The following IPO8 variants were observed in gnomAD, a reference collection of about 807,000 sequenced individuals.
The protein encoded by IPO8 is importin-8.
Under a neutral mutation model 141.2 loss-of-function variants are expected in IPO8, and 65 were observed. The ratio of observed to expected loss-of-function variants is 0.46; its 90% CI spans 0.38 to 0.57. The LOEUF (loss-of-function observed/expected upper bound fraction) is 0.57, where lower values mean the gene tolerates loss of function less well. Among genes scored for constraint, IPO8 ranks in the 20% least tolerant of loss-of-function variants. The pLI is 0.00. For synonymous variants in IPO8, 411 were observed against 420.3 expected (o/e 0.98, Z 0.27); for missense variants, 980 against 1,246.8 (o/e 0.79, Z 3.22).
intron 23 of IPO8, 73 bp downstream of exon 23, chr12:30,634,010 A>T (rs2052468026): frequency 4.3e-6 from 6 of 1,407,022 alleles, no homozygotes; most frequent in Non-Finnish European, 5.9e-6. Flanking sequence ...TTGGGCAAAT[A>T]TCAAAACAGG....
chr12:30,680,339 C>A, intron 5 of IPO8, 143 bp downstream of exon 5: 1 of 586,754 alleles, frequency 1.7e-6, no homozygotes, highest in South Asian at 3.1e-5. Context: ...TTTCTGTGAA[C>A]CTGTTCCTCA....
At chr12:30,692,407 G>A (rs2053299274) in intron 1 of IPO8, among the ~76,000 whole-genome samples, 1 of 152,092 alleles carries the variant, frequency 6.6e-6, no homozygotes, top group Admixed American at 6.5e-5. Context: ...AACTTGGCCA[G>A]CTAAAACATT....
chr12:30,638,084 G>A (rs2052526925), intron 21 of IPO8, among the ~76,000 whole-genome samples: 1 of 152,040 alleles, frequency 6.6e-6, no homozygotes. Context: ...CATGCCACAC[G>A]GATCACAGCA....
rs748853480 is a variant in IPO8, at chr12:30,661,261, C to T, written c.1761G>A (p.Glu587=). Residue 587 remains glutamate, a synonymous_variant, in exon 16 of 25, where the codon GAG becomes GAA. Coordinates refer to ENST00000256079, the MANE Select transcript of IPO8 (RefSeq NM_006390.4). ...IAVDMTQHLA[E]IFGKVLQSDE... ...CACTTTGAAGAACTTTGCCAAATAT[C>T]TCAGCCTATGAAAATAACATTAAAG... The T allele has an allele frequency of 1.9e-6, 3 of 1,585,096 alleles. No homozygotes were observed. The highest frequency in any genetic ancestry group is 1.7e-6 in the Non-Finnish European group (2 of 1,168,588).
At chr12:30,676,196 G>A (rs186284586) in intron 6 of IPO8, among the ~76,000 whole-genome samples, 60 of 152,198 alleles carry the variant, frequency 3.9e-4, no homozygotes, top group Non-Finnish European at 7.8e-4. Flanking sequence ...AAAGTGCTAG[G>A]ATTACATGTG....
At chr12:30,632,452 A>G (rs2052446319) in intron 23 of IPO8, among the ~76,000 whole-genome samples, 2 of 152,138 alleles carry the variant, frequency 1.3e-5, no homozygotes, top group African/African-American at 4.8e-5. Context: ...TGAATAGCTC[A>G]TCTCAAACTC....
chr12:30,670,369 A>G (rs2053031151), intron 9 of IPO8, among the ~76,000 whole-genome samples: 1 of 152,186 alleles, frequency 6.6e-6, no homozygotes, highest in Non-Finnish European at 1.5e-5. Context: ...AAATTATCCA[A>G]TTATTTGTAT....
intron 4 of IPO8, among the ~76,000 whole-genome samples, chr12:30,680,967 C>T (rs1437586848): frequency 6.6e-6 from 1 of 152,040 alleles, no homozygotes; most frequent in African/African-American, 2.4e-5. Flanking sequence ...ATATAAGTTG[C>T]TATGCTATTT....
intron 16 of IPO8, among the ~76,000 whole-genome samples, chr12:30,659,644 G>A (rs914584144): frequency 5.9e-5 from 9 of 151,806 alleles, no homozygotes; most frequent in Non-Finnish European, 1.3e-4. Context: ...GAGGTCAGGA[G>A]ATCGAGACCC....
intron 9 of IPO8, 139 bp from the exon 10 acceptor site, chr12:30,669,421 G>T: frequency 2.1e-6 from 1 of 486,004 alleles, no homozygotes; most frequent in Non-Finnish European, 3.6e-6. Flanking sequence ...TCAAGTCGAG[G>T]TTATATTTAC....
At chr12:30,684,596 G>T in intron 2 of IPO8, 139 bp from the exon 3 acceptor site, 1 of 681,306 alleles carries the variant, frequency 1.5e-6, no homozygotes, top group Non-Finnish European at 2.5e-6. Flanking sequence ...GGTATAAACA[G>T]CCAAATCAGG....
intron 5 of IPO8, chr12:30,677,320 C>A: frequency 2.8e-6 from 1 of 355,858 alleles, no homozygotes; most frequent in South Asian, 2.1e-5. Context: ...AGTCACAGCA[C>A]AATGCATTAC....
At position 30,658,845 on chromosome 12, in the gene IPO8, A is replaced by G. The variant is rs139043595; in HGVS notation, c.1882-2095T>C. Among the ~76,000 whole-genome samples, 414 of 151,722 alleles carry G rather than the reference A, an allele frequency of 2.7e-3. 8 individuals are homozygous for G. The highest frequency in any genetic ancestry group is 8.9e-3 in the African/African-American group (368 of 41,470). On this transcript the variant is annotated intron_variant, in intron 16 of 24. Transcript: ENST00000256079. Reference sequence around the variant, plus strand: ...AAAATAAAAATTAAGCCCTTTAGGCAAATGAAGACTAGTCCAGAAGAGTAT... The same window carrying G: ...AAAATAAAAATTAAGCCCTTTAGGCGAATGAAGACTAGTCCAGAAGAGTAT...
intron 24 of IPO8, 52 bp downstream of exon 24, chr12:30,631,843 T>C (rs1470904365): frequency 3.3e-6 from 4 of 1,204,928 alleles, no homozygotes; most frequent in Non-Finnish European, 4.8e-6. Context: ...AATAAGGCTG[T>C]CTGTTGGCAC....
intron 8 of IPO8, among the ~76,000 whole-genome samples, chr12:30,672,639 T>C (rs1029075585): frequency 6.6e-6 from 1 of 152,108 alleles, no homozygotes; most frequent in African/African-American, 2.4e-5. Context: ...CTCACCACAC[T>C]TCAAGTGGGA....
chr12:30,678,324 G>C (rs1047646610), intron 5 of IPO8, among the ~76,000 whole-genome samples: 2 of 152,090 alleles, frequency 1.3e-5, no homozygotes, highest in African/African-American at 4.8e-5. Context: ...AGTCCTGCAA[G>C]TTCCATTCAT....
intron 2 of IPO8, among the ~76,000 whole-genome samples, chr12:30,688,119 A>G (rs1170637754): frequency 6.6e-6 from 1 of 152,174 alleles, no homozygotes; most frequent in Non-Finnish European, 1.5e-5. Flanking sequence ...CTTCAGATGT[A>G]AGAAGTAAAA....
At chr12:30,680,968 T>C (rs1038812364) in intron 4 of IPO8, among the ~76,000 whole-genome samples, 1 of 152,174 alleles carries the variant, frequency 6.6e-6, no homozygotes, top group African/African-American at 2.4e-5. Context: ...TATAAGTTGC[T>C]ATGCTATTTT....
intron 5 of IPO8, 55 bp downstream of exon 5, chr12:30,680,427 A>G (rs1349637077): frequency 3.0e-5 from 41 of 1,385,298 alleles, no homozygotes; most frequent in Non-Finnish European, 4.0e-5. Flanking sequence ...AGCACTTTCC[A>G]TGTGTCAGGC....
Sources: allele counts gnomAD v4.1 joint callset (sites outside exome capture counted in the v4.1 genomes callset), GRCh38; gene constraint gnomAD v4.1.1; transcripts MANE v1.5; gene names NCBI Gene and HGNC (gene_info 2026-07-23, HGNC 2026-07-21).